Variants in DCHS2 observed in about 807,000 individuals in gnomAD.
The protein encoded by DCHS2 is protocadherin-23.
In DCHS2, 142 loss-of-function variants were observed where a neutral mutation model predicts 182.4. The ratio of observed to expected loss-of-function variants is 0.78; its 90% CI spans 0.68 to 0.89. The LOEUF (loss-of-function observed/expected upper bound fraction) is 0.89, where lower values mean the gene tolerates loss of function less well. Among genes scored for constraint, DCHS2 ranks in the 40% least tolerant of loss-of-function variants. DCHS2 has a pLI of 0.00. For missense variants in DCHS2, 4,319 were observed against 4,198.6 expected (o/e 1.03, Z -0.79); for synonymous variants, 1,740 against 1,663.3 (o/e 1.05, Z -1.12).
At chr4:154,260,784 T>A (rs1031071836) in intron 14 of DCHS2, among the ~76,000 whole-genome samples, 9 of 152,124 alleles carry the variant, frequency 5.9e-5, no homozygotes, top group African/African-American at 1.9e-4. Context: ...CCATACACCA[T>A]CTCTTACGTA....
Position 154,334,889 on chromosome 4 carries a change from C to T in DCHS2, c.2692G>A (p.Val898Met), listed in dbSNP as rs1728716457. 1 of 1,613,888 alleles carries T rather than the reference C, an allele frequency of 6.2e-7. No individual in the cohort carries two copies. Among genetic ancestry groups the T allele is most frequent in the Non-Finnish European group, 8.5e-7 (1 of 1,179,744 alleles). The change falls in exon 4 of 20, where the codon GTG becomes ATG. Residue 898 changes from valine (V) to methionine (M), a missense_variant. Coordinates refer to ENST00000357232, the MANE Select transcript of DCHS2 (RefSeq NM_001358235.2). ...TTACTCAAGGGCTCTCTTGCTTTCA[C>T]TGTTCCAATGGGACTATCTTCAGGC... is the stretch of plus-strand genomic sequence containing the variant. ...DVPEDSPIGT[V>M]KAREPLNSSE...
At chr4:154,425,167 T>C (rs115690891) in intron 1 of DCHS2, among the ~76,000 whole-genome samples, 2,588 of 152,212 alleles carry the variant, frequency 0.017, 89 homozygotes, top group South Asian at 0.098. Context: ...AGTACAGAGA[T>C]TGACAATGGA....
chr4:154,357,118 C>A, intron 3 of DCHS2: 1 of 715,734 alleles, frequency 1.4e-6, no homozygotes, highest in South Asian at 1.9e-5. Flanking sequence ...AACCTTTGGC[C>A]TGCGAAGTTG....
chr4:154,374,054 C>G, intron 2 of DCHS2: 2 of 1,013,294 alleles, frequency 2.0e-6, no homozygotes, highest in Non-Finnish European at 2.8e-6. Flanking sequence ...TCTATATCTA[C>G]AATACCAGAA....
intron 1 of DCHS2, among the ~76,000 whole-genome samples, chr4:154,393,712 T>C (rs1731808403): frequency 6.6e-6 from 1 of 152,082 alleles, no homozygotes; most frequent in Non-Finnish European, 1.5e-5. Flanking sequence ...TCAGCCTGAC[T>C]TGGACATGCT....
intron 16 of DCHS2, among the ~76,000 whole-genome samples, chr4:154,249,175 C>T (rs1209587578): frequency 1.3e-5 from 2 of 152,076 alleles, no homozygotes; most frequent in Non-Finnish European, 2.9e-5. Context: ...AGAAAATATT[C>T]ACTAACTATG....
At chr4:154,381,559 C>G (rs1731170593) in intron 1 of DCHS2, among the ~76,000 whole-genome samples, 1 of 152,020 alleles carries the variant, frequency 6.6e-6, no homozygotes, top group Admixed American at 6.6e-5. Flanking sequence ...CAAAAGGCTC[C>G]TGGAACTGAT....
chr4:154,454,813 C>G (rs1734697780), intron 1 of DCHS2, among the ~76,000 whole-genome samples: 1 of 152,190 alleles, frequency 6.6e-6, no homozygotes, highest in South Asian at 2.1e-4. Flanking sequence ...AGAAAATAAT[C>G]TGAGCTGCAG....
At chr4:154,347,385 C>T (rs1314015994) in intron 3 of DCHS2, among the ~76,000 whole-genome samples, 2 of 151,226 alleles carry the variant, frequency 1.3e-5, no homozygotes, top group African/African-American at 4.9e-5. Context: ...GGGTTCAAAT[C>T]TTGGTTCTAT....
chr4:154,454,743 A>G (rs1734695314), intron 1 of DCHS2, among the ~76,000 whole-genome samples: 1 of 152,186 alleles, frequency 6.6e-6, no homozygotes, highest in Non-Finnish European at 1.5e-5. Flanking sequence ...TCCCTCCAAG[A>G]GGACATCCTC....
At chr4:154,484,434 G>A (rs149396876) in intron 1 of DCHS2, among the ~76,000 whole-genome samples, 10 of 152,102 alleles carry the variant, frequency 6.6e-5, no homozygotes, top group East Asian at 1.9e-4. Context: ...CAAGCTCTGC[G>A]CAAACACTGA....
chr4:154,347,285 G>A (rs531585719), intron 3 of DCHS2, among the ~76,000 whole-genome samples: 1 of 149,028 alleles, frequency 6.7e-6, no homozygotes, highest in Non-Finnish European at 1.5e-5. Context: ...ATGGGGAACG[G>A]CTTCTTAAAA....
intron 13 of DCHS2, among the ~76,000 whole-genome samples, chr4:154,292,839 C>T (rs72723312): frequency 0.015 from 2,223 of 152,254 alleles, 25 homozygotes; most frequent in Non-Finnish European, 0.024. Flanking sequence ...TTGGGACAGG[C>T]ACCCAGGTGA....
chr4:154,327,491 T>C (rs1388083), intron 7 of DCHS2, among the ~76,000 whole-genome samples: 42,354 of 152,128 alleles, frequency 0.28, 6,691 homozygotes, highest in East Asian at 0.37. Flanking sequence ...TTCTTTCCTA[T>C]GTCCTATGTT....
At chr4:154,397,360 GAAGT>G (rs1446268953) in intron 1 of DCHS2, among the ~76,000 whole-genome samples, 1 of 152,158 alleles carries the variant, frequency 6.6e-6, no homozygotes, top group Non-Finnish European at 1.5e-5. Flanking sequence ...CCAAAAGTTT[GAAGT>G]AAGTTTAGTC....
At chr4:154,341,095 G>A (rs1578985536) in intron 3 of DCHS2, among the ~76,000 whole-genome samples, 2 of 152,152 alleles carry the variant, frequency 1.3e-5, no homozygotes, top group East Asian at 1.9e-4. Context: ...TCGCCCGGGC[G>A]CGGTGGCTCA....
At chr4:154,240,112 TA>T (rs1731728715) in intron 18 of DCHS2, among the ~76,000 whole-genome samples, 1 of 152,178 alleles carries the variant, frequency 6.6e-6, no homozygotes, top group East Asian at 1.9e-4. Flanking sequence ...CTCTAAAAGC[TA>T]AAATTTCCAC....
At position 154,248,127 on chromosome 4, in the gene DCHS2, C is replaced by T. The variant is rs180951993; in HGVS notation, c.6942-5355G>A. Among the ~76,000 whole-genome samples, 26 of 152,056 alleles carry T rather than the reference C, an allele frequency of 1.7e-4. No individual in the cohort carries two copies. In the South Asian group the frequency reaches 2.5e-3, roughly 15 times the overall value. On this transcript the variant is annotated intron_variant, in intron 16 of 19. Transcript: ENST00000357232. ...TGGGATATTTACAAGGCATTCAGTG[C>T]ATAGATATAGCCAATTGGGCACTCA...
chr4:154,316,351 G>A (rs1162273264), intron 9 of DCHS2, among the ~76,000 whole-genome samples: 3 of 152,088 alleles, frequency 2.0e-5, no homozygotes, highest in African/African-American at 7.2e-5. Context: ...AACACCTCAT[G>A]TATAAAAGCG....
Sources: allele counts gnomAD v4.1 joint callset (sites outside exome capture counted in the v4.1 genomes callset), GRCh38; gene constraint gnomAD v4.1.1; transcripts MANE v1.5; gene names NCBI Gene and HGNC (gene_info 2026-07-23, HGNC 2026-07-21).